AK9: variants seen among roughly 807,000 people sequenced by gnomAD.
AK9 encodes the protein adenylate kinase 9, also known as adenylate kinase domain containing 1.
A neutral mutation model predicts 239.6 loss-of-function variants in AK9; 191 were observed. The observed-to-expected ratio is 0.80, with a 90% CI of 0.71 to 0.90. The LOEUF is 0.90. AK9 is among the 40% of genes least tolerant of loss of function. The pLI, the probability that AK9 is intolerant of heterozygous loss-of-function variation, is 0.00. For synonymous variants in AK9, 689 were observed against 721.0 expected (o/e 0.96, Z 0.71); for missense variants, 1,995 against 2,214.7 (o/e 0.90, Z 1.99).
At chr6:109,645,507 G>A (rs962922507) in intron 8 of AK9, among the ~76,000 whole-genome samples, 12 of 152,214 alleles carry the variant, frequency 7.9e-5, no homozygotes, top group African/African-American at 2.9e-4. Flanking sequence ...GGCTGGGCGA[G>A]GGGCATCCGC....
intron 23 of AK9, 104 bp downstream of exon 23, chr6:109,563,976 T>G (rs1254225014): frequency 8.2e-7 from 1 of 1,212,264 alleles, no homozygotes; most frequent in African/African-American, 1.5e-5. Flanking sequence ...TTGGATATAC[T>G]GAACATTTAC....
chr6:109,587,054 C>G (rs1252841591), intron 17 of AK9, among the ~76,000 whole-genome samples: 1 of 152,032 alleles, frequency 6.6e-6, no homozygotes, highest in Non-Finnish European at 1.5e-5. Context: ...GCAATCCTCC[C>G]CCTTTAGCCT....
chr6:109,552,130 G>C (rs575997105), intron 24 of AK9, among the ~76,000 whole-genome samples: 1 of 152,042 alleles, frequency 6.6e-6, no homozygotes, highest in Non-Finnish European at 1.5e-5. Context: ...TCATTGATGG[G>C]CATTTGGGTT....
rs79170130 is a variant in AK9, at chr6:109,659,481, T to C, written c.445-68A>G. On this transcript the variant is annotated intron_variant, in intron 6 of 40. Transcript: ENST00000424296. Reference sequence around the variant, plus strand: ...TGCTTTTAATTCCCTGTGTATTTATTGAATATATTGTACAGTACATAAACC... The same window carrying C: ...TGCTTTTAATTCCCTGTGTATTTATCGAATATATTGTACAGTACATAAACC... 9.6e-4 allele frequency: 1,468 copies of C among 1,535,430 alleles called. 20 individuals are homozygous for C. In the East Asian group the frequency reaches 0.027, roughly 28 times the overall value.
chr6:109,689,327 T>C (rs1773979993), intron 1 of AK9, among the ~76,000 whole-genome samples: 1 of 152,212 alleles, frequency 6.6e-6, no homozygotes, highest in Non-Finnish European at 1.5e-5. Context: ...CAGCTGCTAT[T>C]AGTGCCTCCC....
intron 17 of AK9, among the ~76,000 whole-genome samples, chr6:109,588,377 C>A (rs1050409861): frequency 1.3e-5 from 2 of 152,082 alleles, no homozygotes; most frequent in African/African-American, 2.4e-5. Context: ...CTGTTTGCTG[C>A]CTTCTTGTAT....
intron 17 of AK9, among the ~76,000 whole-genome samples, chr6:109,600,906 C>T (rs1032947857): frequency 5.3e-5 from 8 of 152,110 alleles, no homozygotes; most frequent in Non-Finnish European, 8.8e-5. Flanking sequence ...TTTGTATTTC[C>T]GTGGGATCAG....
intron 5 of AK9, among the ~76,000 whole-genome samples, chr6:109,670,398 G>C (rs1467668942): frequency 6.6e-6 from 1 of 152,150 alleles, no homozygotes; most frequent in Non-Finnish European, 1.5e-5. Context: ...AAATAACATA[G>C]GTTGAGAGAA....
intron 35 of AK9, among the ~76,000 whole-genome samples, chr6:109,503,357 T>C (rs774585981): frequency 1.7e-4 from 26 of 152,100 alleles, no homozygotes; most frequent in Admixed American, 1.6e-3. Context: ...ACTTCAAGTC[T>C]CAAAAGACAC....
chr6:109,588,595 G>A (rs981367454), intron 17 of AK9, among the ~76,000 whole-genome samples: 4 of 151,910 alleles, frequency 2.6e-5, no homozygotes, highest in Non-Finnish European at 4.4e-5. Flanking sequence ...ATTTAATTAC[G>A]TCCTATTTGT....
rs1157119374 is a variant in AK9, at chr6:109,648,864, C to A, written c.760-4176G>T. Among the ~76,000 whole-genome samples the A allele has an allele frequency of 4.6e-5, 7 of 152,272 alleles. No homozygotes were observed. The East Asian group carries it at 1.2e-3, about 25-fold the overall frequency. Reference sequence around the variant, plus strand: ...TCAATAAAATACTGGCAAACCGAATCCAGCAGCACATCAAAAAGTTTATCC... The same window carrying A: ...TCAATAAAATACTGGCAAACCGAATACAGCAGCACATCAAAAAGTTTATCC... On this transcript the variant is annotated intron_variant, in intron 8 of 40. Coordinates refer to ENST00000424296, the MANE Select transcript of AK9 (RefSeq NM_001145128.3).
chr6:109,560,180 C>T (rs1785564501), intron 24 of AK9, among the ~76,000 whole-genome samples: 1 of 152,170 alleles, frequency 6.6e-6, no homozygotes, highest in South Asian at 2.1e-4. Context: ...CTTTGGCGTG[C>T]CATTATTCAG....
intron 27 of AK9, among the ~76,000 whole-genome samples, chr6:109,536,861 C>A (rs893270190): frequency 2.6e-5 from 4 of 152,000 alleles, no homozygotes; most frequent in Non-Finnish European, 4.4e-5. Context: ...ATTGAGATAA[C>A]CATCTGGTTT....
chr6:109,521,845 ACT>A (rs1779903800), intron 29 of AK9, among the ~76,000 whole-genome samples: 1 of 151,546 alleles, frequency 6.6e-6, no homozygotes, highest in Admixed American at 6.6e-5. Context: ...TTTGAATAAT[ACT>A]CTTATTGTCT....
At chr6:109,503,479 G>A (rs1335066479) in intron 35 of AK9, among the ~76,000 whole-genome samples, 1 of 152,148 alleles carries the variant, frequency 6.6e-6, no homozygotes, top group East Asian at 1.9e-4. Flanking sequence ...CTAAGCCCCA[G>A]CCTTGTACCA....
intron 17 of AK9, 77 bp from the exon 18 acceptor site, chr6:109,586,149 G>T: frequency 8.1e-7 from 1 of 1,237,484 alleles, no homozygotes; most frequent in Non-Finnish European, 1.1e-6. Flanking sequence ...TAATTTTTGT[G>T]GATCTTAAAC....
At chr6:109,683,242 C>T (rs556657839) in intron 1 of AK9, among the ~76,000 whole-genome samples, 131 of 152,250 alleles carry the variant, frequency 8.6e-4, no homozygotes, top group African/African-American at 2.8e-3. Flanking sequence ...ATCAATGGAA[C>T]GTATCTCAAA....
chr6:109,651,987 T>G (rs964902578), intron 8 of AK9, among the ~76,000 whole-genome samples: 2 of 152,146 alleles, frequency 1.3e-5, no homozygotes, highest in African/African-American at 4.8e-5. Flanking sequence ...AAAGAGGAGC[T>G]GGTACCATTC....
chr6:109,511,683 C>A (rs1257031574), intron 32 of AK9, among the ~76,000 whole-genome samples: 1 of 152,166 alleles, frequency 6.6e-6, no homozygotes, highest in African/African-American at 2.4e-5. Context: ...CGATGATTGA[C>A]CAGGGACCAC....
Sources: gnomAD v4.1 joint callset for allele counts (sites outside exome capture counted in the v4.1 genomes callset) on GRCh38, gnomAD v4.1.1 for gene constraint, MANE v1.5 for transcripts, NCBI Gene and HGNC (gene_info 2026-07-23, HGNC 2026-07-21) for gene names.